MAGI1: variants seen among roughly 807,000 people sequenced by gnomAD.
MAGI1 encodes the protein membrane associated guanylate kinase, WW and PDZ domain containing 1.
MAGI1 carries 58 observed loss-of-function variants against 139.9 expected under a neutral mutation model. That is an observed-to-expected ratio of 0.41 (90% confidence interval 0.34 to 0.52). The LOEUF is 0.52. MAGI1 is among the 20% of genes least tolerant of loss of function. The pLI, the probability that MAGI1 is intolerant of heterozygous loss-of-function variation, is 0.12. For missense variants in MAGI1, 1,874 were observed against 1,901.6 expected, an observed-to-expected ratio of 0.99 and a Z score of 0.27; for synonymous variants, 812 against 737.9, an observed-to-expected ratio of 1.10 and a Z score of -1.63.
intron 1 of MAGI1, among the ~76,000 whole-genome samples, chr3:65,954,198 T>C (rs2064001461): frequency 6.6e-6 from 1 of 152,192 alleles, no homozygotes; most frequent in Non-Finnish European, 1.5e-5. Context: ...TAAGAAAATA[T>C]TTTCAAGATT....
At chr3:65,808,200 G>A (rs560305988) in intron 1 of MAGI1, among the ~76,000 whole-genome samples, 5 of 152,160 alleles carry the variant, frequency 3.3e-5, no homozygotes, top group Admixed American at 2.0e-4. Flanking sequence ...GGTCAGGCTG[G>A]TCTCAAACTC....
At chr3:65,774,192 G>C (rs2038188497) in intron 1 of MAGI1, among the ~76,000 whole-genome samples, 1 of 151,938 alleles carries the variant, frequency 6.6e-6, no homozygotes, top group African/African-American at 2.4e-5. Context: ...TTCTATAACT[G>C]ACATATAATT....
chr3:65,777,554 A>C (rs1328922114), intron 1 of MAGI1, among the ~76,000 whole-genome samples: 1 of 150,666 alleles, frequency 6.6e-6, no homozygotes, highest in Non-Finnish European at 1.5e-5. Context: ...TGGGAGGATC[A>C]CTTGAGCCTG....
At chr3:65,773,906 T>C (rs967873809) in intron 1 of MAGI1, among the ~76,000 whole-genome samples, 1 of 152,150 alleles carries the variant, frequency 6.6e-6, no homozygotes, top group African/African-American at 2.4e-5. Flanking sequence ...TTACTTGTGG[T>C]TGCTGAACAA....
intron 2 of MAGI1, among the ~76,000 whole-genome samples, chr3:65,617,906 TG>T (rs1395320928): frequency 6.6e-6 from 1 of 152,144 alleles, no homozygotes; most frequent in Non-Finnish European, 1.5e-5. Flanking sequence ...GCCTGACTCA[TG>T]AAAGTTAGAA....
intron 1 of MAGI1, among the ~76,000 whole-genome samples, chr3:66,020,606 A>G (rs1417577634): frequency 6.6e-6 from 1 of 152,208 alleles, no homozygotes; most frequent in African/African-American, 2.4e-5. Flanking sequence ...TGATTGAGCC[A>G]TACCTGAAGC....
At chr3:65,581,054 C>T (rs974710709) in intron 2 of MAGI1, among the ~76,000 whole-genome samples, 1 of 151,986 alleles carries the variant, frequency 6.6e-6, no homozygotes, top group African/African-American at 2.4e-5. Context: ...ATTCTCATAC[C>T]ACCCATCAAA....
At chr3:65,963,069 G>A (rs183777199) in intron 1 of MAGI1, among the ~76,000 whole-genome samples, 33 of 150,854 alleles carry the variant, frequency 2.2e-4, no homozygotes, top group Admixed American at 1.9e-3. Flanking sequence ...AGTGGCTCAC[G>A]TCTGTAACCC....
rs944215659 is a variant in MAGI1 at position 65,635,383 on chromosome 3, G to A, written c.314-13295C>T. ...CAGCCAATAATTATTTTTAAAAGCA[G>A]TTACAGTCATAAGGACACTGTAAAA... On this transcript the variant is annotated intron_variant, in intron 1 of 22. Transcript: ENST00000402939. Among the ~76,000 whole-genome samples, 9 of 152,192 alleles carry A rather than the reference G, an allele frequency of 5.9e-5. No individual in the cohort carries two copies. The East Asian group carries it at 1.5e-3, about 26-fold the overall frequency.
chr3:65,675,051 G>A (rs2087098818), intron 1 of MAGI1, among the ~76,000 whole-genome samples: 1 of 152,042 alleles, frequency 6.6e-6, no homozygotes, highest in South Asian at 2.1e-4. Context: ...GTAAGATAAA[G>A]GAATCAGAAA....
At chr3:65,367,869 C>T (rs1249844065) in intron 18 of MAGI1, among the ~76,000 whole-genome samples, 1 of 152,118 alleles carries the variant, frequency 6.6e-6, no homozygotes, top group Admixed American at 6.6e-5. Flanking sequence ...ATACTACCAA[C>T]CTCACCAAGC....
intron 1 of MAGI1, chr3:65,688,312 A>T: frequency 1.3e-6 from 1 of 768,716 alleles, no homozygotes; most frequent in Non-Finnish European, 2.3e-6. Context: ...GATGCCAGAC[A>T]TCTTACTTCT....
intron 1 of MAGI1, among the ~76,000 whole-genome samples, chr3:65,775,839 G>A (rs1018758778): frequency 4.0e-5 from 6 of 151,862 alleles, no homozygotes; most frequent in Non-Finnish European, 5.9e-5. Flanking sequence ...GCTATGCAAT[G>A]GCTGAAGTGG....
intron 2 of MAGI1, among the ~76,000 whole-genome samples, chr3:65,621,569 G>A (rs575268144): frequency 3.9e-5 from 6 of 152,292 alleles, no homozygotes; most frequent in Non-Finnish European, 7.3e-5. Context: ...AGGTCAGTCC[G>A]AAGGCCGCTG....
intron 2 of MAGI1, among the ~76,000 whole-genome samples, chr3:65,609,194 G>A (rs543886533): frequency 6.6e-6 from 1 of 152,254 alleles, no homozygotes; most frequent in East Asian, 1.9e-4. Flanking sequence ...TGGTGCATGT[G>A]TGTGCGTAAA....
intron 1 of MAGI1, among the ~76,000 whole-genome samples, chr3:65,879,296 G>A (rs575186056): frequency 1.3e-5 from 2 of 151,858 alleles, no homozygotes; most frequent in Admixed American, 6.6e-5. Flanking sequence ...CCCTGTTTTC[G>A]GCAATCATTT....
At chr3:65,521,279 C>T (rs1052714406) in intron 2 of MAGI1, among the ~76,000 whole-genome samples, 3 of 151,314 alleles carry the variant, frequency 2.0e-5, no homozygotes, top group Admixed American at 2.0e-4. Context: ...TGGCCTTTAG[C>T]CAGAAGCAAT....
intron 1 of MAGI1, among the ~76,000 whole-genome samples, chr3:65,987,762 T>A (rs1235949706): frequency 6.6e-6 from 1 of 151,966 alleles, no homozygotes; most frequent in Non-Finnish European, 1.5e-5. Context: ...AGGGATGGGG[T>A]TTCCCCACAT....
intron 1 of MAGI1, among the ~76,000 whole-genome samples, chr3:65,706,651 G>A (rs536623494): frequency 1.3e-5 from 2 of 152,290 alleles, no homozygotes; most frequent in East Asian, 1.9e-4. Context: ...CCAGACAGGG[G>A]ATGAGAAGGG....
Sources: gnomAD v4.1 joint callset for allele counts (sites outside exome capture counted in the v4.1 genomes callset) on GRCh38, gnomAD v4.1.1 for gene constraint, MANE v1.5 for transcripts, NCBI Gene and HGNC (gene_info 2026-07-23, HGNC 2026-07-21) for gene names.